TESK2: variants seen among roughly 807,000 people sequenced by gnomAD.
The protein encoded by TESK2 is dual specificity testis-specific protein kinase 2.
Under a neutral mutation model 57.1 loss-of-function variants are expected in TESK2, and 39 were observed. The ratio of observed to expected loss-of-function variants is 0.68; its 90% CI spans 0.53 to 0.89. The LOEUF is 0.89. Among genes scored for constraint, TESK2 ranks in the 40% least tolerant of loss-of-function variants. The probability of loss-of-function intolerance (pLI) is 0.00; values close to 1 mark genes in which losing one functional copy is unlikely to be tolerated. For synonymous variants in TESK2, 249 were observed against 267.9 expected (o/e 0.93, Z 0.69); for missense variants, 646 against 732.1 (o/e 0.88, Z 1.36).
At chr1:45,442,572 A>T (rs922411538) in intron 2 of TESK2, among the ~76,000 whole-genome samples, 3 of 152,178 alleles carry the variant, frequency 2.0e-5, no homozygotes, top group Non-Finnish European at 4.4e-5. Flanking sequence ...TCTTTTTGAC[A>T]TCCTCAACAG....
intron 1 of TESK2, among the ~76,000 whole-genome samples, chr1:45,461,106 C>CCACCT (rs1335543194): frequency 6.6e-6 from 1 of 151,890 alleles, no homozygotes; most frequent in East Asian, 1.9e-4. Flanking sequence ...AGTGATCCTC[C>CCACCT]CACCTTAGCC....
intron 4 of TESK2, among the ~76,000 whole-genome samples, chr1:45,384,812 C>T (rs141224942): frequency 4.3e-4 from 65 of 151,912 alleles, no homozygotes; most frequent in Non-Finnish European, 4.7e-4. Context: ...CTTTGAGATA[C>T]AGACAGATTC....
At chr1:45,467,854 T>A (rs1408570548) in intron 1 of TESK2, among the ~76,000 whole-genome samples, 1 of 152,114 alleles carries the variant, frequency 6.6e-6, no homozygotes. Flanking sequence ...AATTTTTGGA[T>A]GGCCTAACTT....
At chr1:45,434,861 T>C (rs1484625930) in intron 2 of TESK2, among the ~76,000 whole-genome samples, 1 of 152,152 alleles carries the variant, frequency 6.6e-6, no homozygotes. Flanking sequence ...GTCCCATTTG[T>C]CGATTTTTGG....
At position 45,360,841 on chromosome 1, in the gene TESK2, G is replaced by A. The variant is rs560131349; in HGVS notation, c.394-5392C>T. On this transcript the variant is annotated intron_variant, in intron 4 of 10. Coordinates refer to ENST00000372086, the MANE Select transcript of TESK2 (RefSeq NM_007170.3). ...AAGATTTCTTTCTTTTTTTTGAGAC[G>A]GAGTCTCACTCTGTCCCTCAGGCTG... is the stretch of plus-strand genomic sequence containing the variant. 6.5e-4 allele frequency among the ~76,000 whole-genome samples: 98 copies of A among 151,884 alleles called. 1 individual carries two copies. In the Middle Eastern group the frequency reaches 0.034, roughly 53 times the overall value.
Position 45,423,784 on chromosome 1 carries a change from C to G in TESK2, c.223-1938G>C, listed in dbSNP as rs779949859. ...AAAAGTATTCGCCCTCTATAGAACT[C>G]AATCTATTGTGCATGTGTAAATATT... On this transcript the variant is annotated intron_variant, in intron 2 of 10. Coordinates refer to ENST00000372086, the MANE Select transcript of TESK2 (RefSeq NM_007170.3). Among the ~76,000 whole-genome samples the G allele has an allele frequency of 2.8e-4, 43 of 152,236 alleles. 1 individual carries two copies. The Middle Eastern group carries it at 0.034, about 120-fold the overall frequency.
intron 2 of TESK2, among the ~76,000 whole-genome samples, chr1:45,448,046 T>A (rs1001527729): frequency 1.3e-5 from 2 of 149,822 alleles, no homozygotes; most frequent in South Asian, 4.2e-4. Flanking sequence ...TTTTGTTTTT[T>A]TTTTTTGGTA....
At chr1:45,457,196 T>C (rs2149299836) in intron 2 of TESK2, among the ~76,000 whole-genome samples, 1 of 152,220 alleles carries the variant, frequency 6.6e-6, no homozygotes, top group African/African-American at 2.4e-5. Context: ...TATATGTATT[T>C]AAGGTGTGTG....
intron 1 of TESK2, among the ~76,000 whole-genome samples, chr1:45,458,335 C>T (rs1170488956): frequency 6.6e-6 from 1 of 152,156 alleles, no homozygotes; most frequent in Non-Finnish European, 1.5e-5. Context: ...GAGGCCAAGG[C>T]AGGCGGATCA....
At chr1:45,404,403 C>T (rs1649749489) in intron 3 of TESK2, among the ~76,000 whole-genome samples, 1 of 152,122 alleles carries the variant, frequency 6.6e-6, no homozygotes, top group Non-Finnish European at 1.5e-5. Context: ...ATGTTCCCTT[C>T]TTCAAGGGAA....
intron 2 of TESK2, among the ~76,000 whole-genome samples, chr1:45,426,475 G>T (rs1237098323): frequency 4.6e-5 from 7 of 152,198 alleles, no homozygotes; most frequent in Admixed American, 2.6e-4. Flanking sequence ...TAAAGATTTC[G>T]ATCTAGGACC....
chr1:45,403,235 A>G (rs1470544613), intron 3 of TESK2, among the ~76,000 whole-genome samples: 4 of 147,818 alleles, frequency 2.7e-5, no homozygotes, highest in African/African-American at 9.8e-5. Flanking sequence ...CGTGATGGGA[A>G]AAAAAAAAAA....
intron 2 of TESK2, among the ~76,000 whole-genome samples, chr1:45,449,193 G>A (rs1366503690): frequency 5.4e-5 from 8 of 147,892 alleles, no homozygotes; most frequent in African/African-American, 2.0e-4. Context: ...CTGCACCCGA[G>A]CCTGGGTGAC....
intron 3 of TESK2, among the ~76,000 whole-genome samples, chr1:45,407,574 T>C (rs1374775256): frequency 6.6e-6 from 1 of 152,132 alleles, no homozygotes; most frequent in Non-Finnish European, 1.5e-5. Flanking sequence ...TGGGAGGTAA[T>C]TGAATCATGG....
At chr1:45,394,726 C>G (rs1181047847) in intron 3 of TESK2, among the ~76,000 whole-genome samples, 1 of 115,206 alleles carries the variant, frequency 8.7e-6, no homozygotes, top group East Asian at 3.0e-4. Context: ...GAGCCGCACT[C>G]TGTTGCCCAG....
intron 3 of TESK2, among the ~76,000 whole-genome samples, chr1:45,386,377 TAA>T (rs77826408): frequency 1.9e-4 from 11 of 58,072 alleles, no homozygotes; most frequent in Non-Finnish European, 2.8e-4. Flanking sequence ...AGACTGCATC[TAA>T]AAAAAAAAAA....
intron 4 of TESK2, among the ~76,000 whole-genome samples, chr1:45,379,717 T>A (rs574147846): frequency 6.6e-6 from 1 of 152,316 alleles, no homozygotes; most frequent in African/African-American, 2.4e-5. Flanking sequence ...ACAAACTCTC[T>A]GCAATAGCCT....
At position 45,460,118 on chromosome 1, in the gene TESK2, G is replaced by A. The variant is rs188397642; in HGVS notation, c.-86-2247C>T. The stretch of plus-strand genomic sequence containing the variant: ...TATTGGGTACTGTGTTCACTATCTC[G>A]GTGGTGGGATCAACAGAAGTCCAAA... On this transcript the variant is annotated intron_variant, in intron 1 of 10. Transcript: ENST00000372086. Among the ~76,000 whole-genome samples the A allele has an allele frequency of 4.3e-4, 66 of 152,062 alleles. No individual in the cohort carries two copies. In the Middle Eastern group the frequency reaches 0.02, roughly 47 times the overall value.
rs1357752588 is a variant in TESK2, at chr1:45,486,892, G to A, written c.-87+3960C>T. Among the ~76,000 whole-genome samples, 8 of 148,810 alleles carry A rather than the reference G, an allele frequency of 5.4e-5. No homozygotes were observed. In the East Asian group the frequency reaches 8.1e-4, roughly 15 times the overall value. On this transcript the variant is annotated intron_variant, in intron 1 of 10. Coordinates refer to ENST00000372086, the MANE Select transcript of TESK2 (RefSeq NM_007170.3). ...GGCTGGAGTGCAGTGGCCCGATCTCGGCTAACCGCAACCTCCACCACCCGG... is the reference window on the plus strand; with the variant it reads ...GGCTGGAGTGCAGTGGCCCGATCTCAGCTAACCGCAACCTCCACCACCCGG...
Sources: allele counts gnomAD v4.1 joint callset (sites outside exome capture counted in the v4.1 genomes callset), GRCh38; gene constraint gnomAD v4.1.1; transcripts MANE v1.5; gene names NCBI Gene and HGNC (gene_info 2026-07-23, HGNC 2026-07-21).